Variants in COQ8A observed in about 807,000 individuals in gnomAD.
COQ8A encodes the protein coenzyme Q8A.
A neutral mutation model predicts 65.0 loss-of-function variants in COQ8A; 51 were observed. The ratio of observed to expected loss-of-function variants is 0.78; its 90% CI spans 0.63 to 0.99. COQ8A has a LOEUF of 0.99. COQ8A is among the 50% of genes least tolerant of loss of function. The pLI is 0.00. For synonymous variants in COQ8A, 371 were observed against 353.2 expected (o/e 1.05, Z -0.57); for missense variants, 940 against 875.0 (o/e 1.07, Z -0.94).
At chr1:226,985,665 A>T (rs1450233102) in intron 14 of COQ8A, among the ~76,000 whole-genome samples, 3 of 152,118 alleles carry the variant, frequency 2.0e-5, no homozygotes, top group Admixed American at 2.0e-4. Flanking sequence ...CCCTCCCCTC[A>T]TCGAGCCTCC....
chr1:226,962,507 C>T (rs1658310813), intron 2 of COQ8A, among the ~76,000 whole-genome samples: 1 of 152,140 alleles, frequency 6.6e-6, no homozygotes, highest in African/African-American at 2.4e-5. Context: ...TGTTTGTGTG[C>T]CTGTTGCGCG....
chr1:226,956,281 CT>C (rs1449842673), intron 1 of COQ8A, among the ~76,000 whole-genome samples: 180 of 78,162 alleles, frequency 2.3e-3, no homozygotes, highest in Middle Eastern at 0.026. Context: ...CTCTCCCTGG[CT>C]TCCACTCTCC....
intron 1 of COQ8A, among the ~76,000 whole-genome samples, chr1:226,954,218 T>C (rs1393105221): frequency 6.6e-6 from 1 of 152,244 alleles, no homozygotes; most frequent in African/African-American, 2.4e-5. Context: ...TTGATTTCCT[T>C]TTTCTGTTTC....
In COQ8A at chr1:226,986,469, A is replaced by G. The variant is rs902464326; in HGVS notation, c.1676A>G (p.His559Arg). 6.2e-7 allele frequency: 1 copy of G among 1,612,332 alleles called. No homozygotes were observed. Among genetic ancestry groups the G allele is most frequent in the Admixed American group, 1.7e-5 (1 of 59,960 alleles). Reference protein sequence around the residue: ...GYEVKVMEDAHLDAILILGEA... With the variant: ...GYEVKVMEDARLDAILILGEA... ...TTGCCCCAGGTCATGGAAGACGCCC[A>G]CTTGGATGCCATCCTCATCCTGGGG... Residue 559 changes from histidine to arginine, a missense_variant, in exon 15 of 15, where the codon CAC (histidine) becomes CGC (arginine). Transcript: ENST00000366777.
At chr1:226,984,277 G>A (rs1323617888) in intron 11 of COQ8A, 42 bp downstream of exon 11, 5 of 1,610,284 alleles carry the variant, frequency 3.1e-6, no homozygotes, top group Non-Finnish European at 4.2e-6. Context: ...GGGTGGCCCT[G>A]CTGTGTGGCT....
intron 1 of COQ8A, among the ~76,000 whole-genome samples, chr1:226,951,656 C>T (rs536540534): frequency 6.6e-6 from 1 of 152,168 alleles, no homozygotes; most frequent in East Asian, 1.9e-4. Flanking sequence ...TCCAAATTTC[C>T]TGGGACAGCT....
intron 6 of COQ8A, 138 bp from the exon 7 acceptor site, chr1:226,982,540 C>T (rs994194065): frequency 2.1e-6 from 2 of 946,148 alleles, no homozygotes; most frequent in African/African-American, 1.6e-5. Context: ...TGTGCGAGGG[C>T]TCCTGTCTTT....
rs560185452 is a variant in COQ8A at position 226,949,973 on chromosome 1, C to T, written c.-10+9574C>T. 6.6e-6 allele frequency among the ~76,000 whole-genome samples: 1 copy of T among 152,290 alleles called. No individual in the cohort carries two copies. The highest frequency in any genetic ancestry group is 1.9e-4 in the East Asian group (1 of 5,190). On this transcript the variant is annotated intron_variant, in intron 1 of 14. Transcript: ENST00000366777. This position sits in a 1 kb window ranked among gnomAD's most constrained non-coding sequence, Gnocchi z 4.0. ...ACCTCAGAGCATCTTAACCATGTCA[C>T]CAGTATCACTTCCTGAGCCAAATAT...
In COQ8A at chr1:226,986,490, TG is replaced by T. The variant is rs1362928429; in HGVS notation, c.1702del (p.Glu568ArgfsTer23). 2.5e-6 allele frequency: 4 copies of T among 1,613,330 alleles called. No individual in the cohort carries two copies. The highest frequency in any genetic ancestry group is 3.4e-6 in the Non-Finnish European group (4 of 1,179,952). On this transcript the variant is annotated frameshift_variant, in exon 15 of 15. Coordinates refer to ENST00000366777, the MANE Select transcript of COQ8A (RefSeq NM_020247.5). LOFTEE classifies it high-confidence loss of function. ...EDAHLDAILI[L>X]GEAFASDEPF... ...GCCCACTTGGATGCCATCCTCATCC[TG>T]GGGGAGGCCTTCGCCTCTGATGAGC... is the stretch of plus-strand genomic sequence containing the variant.
chr1:226,956,890 G>A (rs1451711304), intron 1 of COQ8A, among the ~76,000 whole-genome samples: 5 of 92,936 alleles, frequency 5.4e-5, no homozygotes, highest in Admixed American at 1.2e-4. Context: ...ACTCTCCCTG[G>A]TTCACACTCT....
intron 1 of COQ8A, among the ~76,000 whole-genome samples, chr1:226,951,865 C>G (rs1336258824): frequency 6.6e-6 from 1 of 152,026 alleles, no homozygotes; most frequent in Non-Finnish European, 1.5e-5. Context: ...AGGCTGTGTT[C>G]CAATAAAACT....
chr1:226,950,457 A>G lies in COQ8A; in HGVS notation c.-10+10058A>G, dbSNP rs16846731. 3.3e-3 allele frequency among the ~76,000 whole-genome samples: 495 copies of G among 152,304 alleles called. 16 individuals are homozygous for G. The East Asian group carries it at 0.063, about 19-fold the overall frequency. ...CAGGTTGCCTAGCTCCTGAGCCATG[A>G]TGGATCCAGGTCCCAGCTTTACTTC... On this transcript the variant is annotated intron_variant, in intron 1 of 14. Transcript: ENST00000366777.
At chr1:226,957,280 T>TCC (rs1572032761) in intron 1 of COQ8A, among the ~76,000 whole-genome samples, 1 of 36,404 alleles carries the variant, frequency 2.7e-5, no homozygotes, top group Non-Finnish European at 5.9e-5. Context: ...ACACTCTCCC[T>TCC]GCCCCCCCCC....
Position 226,963,143 on chromosome 1 carries a change from C to A in COQ8A, c.177+1581C>A, listed in dbSNP as rs187189036. ...TCGGGCACTCTCCAACCCTCTGCTC[C>A]CAAAGCATGTCTGGAAGGGGCAGGG... On this transcript the variant is annotated intron_variant, in intron 2 of 14. Transcript: ENST00000366777. Among the ~76,000 whole-genome samples, 3 of 152,330 alleles carry A rather than the reference C, an allele frequency of 2.0e-5. No homozygotes were observed. In the East Asian group the frequency reaches 5.8e-4, roughly 29 times the overall value.
At chr1:226,941,246 T>C (rs923584756) in intron 1 of COQ8A, among the ~76,000 whole-genome samples, 1 of 152,206 alleles carries the variant, frequency 6.6e-6, no homozygotes, top group Non-Finnish European at 1.5e-5. Context: ...GAAAAACTTG[T>C]GCACGTTCAC....
chr1:226,983,327 C>T (rs1659833735), intron 8 of COQ8A: 6 of 662,186 alleles, frequency 9.1e-6, no homozygotes, highest in Admixed American at 2.4e-5. Flanking sequence ...GGGAGGGTGG[C>T]CGTGAGCTGT....
rs752417487 is a variant in COQ8A, at chr1:226,965,031, AG to A, written c.210del (p.Asn71ThrfsTer138). The part of the protein sequence containing the change: ...GQDKHEEYFA[E>X]NFGGPEGEFH... ...GATAAACATGAAGAATATTTTGCTG[AG>A]AACTTCGGCGGCCCAGAAGGGGAGT... On this transcript the variant is annotated frameshift_variant, in exon 3 of 15. Coordinates refer to ENST00000366777, the MANE Select transcript of COQ8A (RefSeq NM_020247.5). LOFTEE classifies it high-confidence loss of function. The A allele has an allele frequency of 1.1e-5, 17 of 1,613,932 alleles. No homozygotes were observed. The highest frequency in any genetic ancestry group is 1.4e-5 in the Non-Finnish European group (17 of 1,180,036).
chr1:226,982,337 T>TA (rs1659750383), intron 6 of COQ8A, 188 bp downstream of exon 6: 1 of 886,926 alleles, frequency 1.1e-6, no homozygotes, highest in Admixed American at 2.7e-5. Flanking sequence ...ACACATGGAA[T>TA]AAAGAGCAGA....
chr1:226,945,312 A>G (rs1002263938), intron 1 of COQ8A, among the ~76,000 whole-genome samples: 3 of 152,184 alleles, frequency 2.0e-5, no homozygotes, highest in Non-Finnish European at 4.4e-5. Flanking sequence ...ATGCGGTGTC[A>G]TCTGGGAACT....
Sources: gnomAD v4.1 joint callset for allele counts (sites outside exome capture counted in the v4.1 genomes callset) on GRCh38, gnomAD v4.1.1 for gene constraint, Gnocchi (gnomAD v3.1) non-coding constraint, MANE v1.5 for transcripts, NCBI Gene and HGNC (gene_info 2026-07-23, HGNC 2026-07-21) for gene names.